Variants in TJP1 observed in about 807,000 individuals in gnomAD.
TJP1 encodes the protein tight junction protein ZO-1.
In TJP1, 43 loss-of-function variants were observed where a neutral mutation model predicts 194.2. That is an observed-to-expected ratio of 0.22 (90% confidence interval 0.17 to 0.29). The LOEUF is 0.29. Among genes scored for constraint, TJP1 ranks in the 10% least tolerant of loss-of-function variants. TJP1 has a pLI of 1.00. For missense variants in TJP1, 1,971 were observed against 2,185.7 expected (o/e 0.90, Z 1.96); for synonymous variants, 801 against 779.0 (o/e 1.03, Z -0.47).
At chr15:29,875,808 C>T (rs1331337824) in intron 2 of TJP1, among the ~76,000 whole-genome samples, 1 of 152,132 alleles carries the variant, frequency 6.6e-6, no homozygotes, top group Non-Finnish European at 1.5e-5. Context: ...TTGTGATCTG[C>T]CCGCCTCGGC....
At chr15:29,717,507 C>T (rs570478552) in intron 22 of TJP1, among the ~76,000 whole-genome samples, 7 of 128,120 alleles carry the variant, frequency 5.5e-5, no homozygotes, top group Non-Finnish European at 9.9e-5. Context: ...GTTTCTCTTC[C>T]AGCTCTAAGT....
At chr15:29,938,593 C>A (rs910641789) in intron 2 of TJP1, among the ~76,000 whole-genome samples, 3 of 152,208 alleles carry the variant, frequency 2.0e-5, no homozygotes, top group South Asian at 2.1e-4. Flanking sequence ...TACCACCCCC[C>A]AGTTATCACA....
At chr15:29,824,566 A>G (rs2050622831), upstream of TJP1, among the ~76,000 whole-genome samples, 1 of 152,086 alleles carries the variant, frequency 6.6e-6, no homozygotes, top group South Asian at 2.1e-4. Flanking sequence ...ACCCCATTAA[A>G]AAAAAAAAAT....
chr15:29,847,868 G>A (rs2051478466), intron 2 of TJP1, among the ~76,000 whole-genome samples: 1 of 152,070 alleles, frequency 6.6e-6, no homozygotes, highest in South Asian at 2.1e-4. Flanking sequence ...CACTGCTATG[G>A]CTGCATCCCA....
At chr15:29,713,245 C>G (rs2042351723) in intron 23 of TJP1, among the ~76,000 whole-genome samples, 1 of 152,228 alleles carries the variant, frequency 6.6e-6, no homozygotes, top group Non-Finnish European at 1.5e-5. Context: ...GAAGTTGACT[C>G]AATCTCTGGA....
rs785433 is a variant in TJP1 at position 29,901,693 on chromosome 15, C to T, written c.306+54539G>A. On this transcript the variant is annotated intron_variant, in intron 2 of 28. Coordinates refer to the TJP1 transcript ENST00000356107. ...AAAAATTAGCCAGCTTGGTGGCGGG[C>T]GCCTGTAATCCCAGCTACTCAGGAG... Among the ~76,000 whole-genome samples the T allele has an allele frequency of 3.6e-3, 553 of 152,018 alleles. 1 individual carries two copies. The highest frequency in any genetic ancestry group is 0.013 in the African/African-American group (521 of 41,464).
chr15:29,928,280 G>A (rs1047172233), intron 2 of TJP1, among the ~76,000 whole-genome samples: 1 of 152,130 alleles, frequency 6.6e-6, no homozygotes, highest in African/African-American at 2.4e-5. Context: ...ATGCAGAGAG[G>A]CTCAATATCA....
At position 29,718,766 on chromosome 15, in the gene TJP1, G is replaced by A; in HGVS notation, c.3376C>T (p.Arg1126Ter). Residue 1126 changes from arginine (R) to a stop codon, truncating the protein, a stop_gained, in exon 21 of 28, where the codon CGA becomes TGA. Transcript: ENST00000614355. LOFTEE classifies it high-confidence loss of function. ...SRQHPEESSE[R>*]GYFPRFEEPA... The stretch of plus-strand genomic sequence containing the variant: ...TCTTCAAAACGTGGAAAGTACCCTC[G>A]TTCTGAGGACTCTTCGGGATGCTGT... 1.9e-6 allele frequency: 3 copies of A among 1,614,146 alleles called. No individual in the cohort carries two copies. The highest frequency in any genetic ancestry group is 1.1e-5 in the South Asian group (1 of 91,076).
At position 29,762,385 on chromosome 15, in the gene TJP1, T is replaced by C; in HGVS notation, c.643A>G (p.Ser215Gly). ...HIFVKEISQD[S>G]LAARDGNIQE... Reference sequence around the variant, plus strand: ...ATATTGCCATCTCTTGCTGCCAAACTATCTTGTGAAATTTCCTTAACAAAT... The same window carrying C: ...ATATTGCCATCTCTTGCTGCCAAACCATCTTGTGAAATTTCCTTAACAAAT... The change falls in exon 6 of 28, where the codon AGT becomes GGT. Residue 215 changes from serine (S) to glycine (G), a missense_variant. Physicochemically the swap from Ser to Gly is moderately conservative, Grantham distance 56. Transcript: ENST00000614355. 1 of 1,613,804 alleles carries C rather than the reference T, an allele frequency of 6.2e-7. No individual in the cohort carries two copies. Among genetic ancestry groups the C allele is most frequent in the Non-Finnish European group, 8.5e-7 (1 of 1,179,944 alleles).
chr15:29,707,653 A>G (rs1422303930), intron 25 of TJP1, among the ~76,000 whole-genome samples: 4 of 152,170 alleles, frequency 2.6e-5, no homozygotes, highest in Non-Finnish European at 4.4e-5. Flanking sequence ...CATCTGGTCA[A>G]TCGCCGTGGA....
chr15:29,719,763 C>T lies in TJP1; in HGVS notation c.3003+14G>A, dbSNP rs770421802. 21 of 1,608,324 alleles carry T rather than the reference C, an allele frequency of 1.3e-5. No individual in the cohort carries two copies. Among genetic ancestry groups the T allele is most frequent in the Admixed American group, 8.4e-5 (5 of 59,448 alleles). On this transcript the variant is annotated intron_variant, in intron 20 of 27. Transcript: ENST00000614355. ...GGACAGCAACAAATTAGTGCAACAC[C>T]GCAGCACAGGTACCTTTGTTGGATC...
At chr15:29,709,075 A>C in intron 24 of TJP1, 39 bp from the exon 25 acceptor site, 1 of 1,560,064 alleles carries the variant, frequency 6.4e-7, no homozygotes, top group East Asian at 2.2e-5. Context: ...ACTTTCTGAA[A>C]AAAGTTATAA....
chr15:29,882,580 A>T (rs983261953), intron 2 of TJP1, among the ~76,000 whole-genome samples: 1 of 152,216 alleles, frequency 6.6e-6, no homozygotes, highest in Non-Finnish European at 1.5e-5. Flanking sequence ...TCAGTTTGTT[A>T]TGAGATTTAA....
At chr15:29,710,792 G>A (rs2042192048) in intron 24 of TJP1, 39 bp downstream of exon 24, 1 of 1,611,668 alleles carries the variant, frequency 6.2e-7, no homozygotes, top group South Asian at 1.1e-5. Flanking sequence ...TACTTCATAA[G>A]CATTACTGTG....
chr15:29,809,029 A>C (rs2049306514), intron 1 of TJP1, among the ~76,000 whole-genome samples: 1 of 152,204 alleles, frequency 6.6e-6, no homozygotes, highest in Non-Finnish European at 1.5e-5. Context: ...GGTAGTCCAA[A>C]CTGAGATATG....
chr15:29,711,127 G>A, intron 23 of TJP1, 127 bp from the exon 24 acceptor site: 1 of 1,093,880 alleles, frequency 9.1e-7, no homozygotes. Flanking sequence ...ATTCTCATGA[G>A]TATGGGTAGC....
chr15:29,728,116 T>C (rs1029202427), intron 15 of TJP1, 97 bp from the exon 16 acceptor site: 30 of 961,520 alleles, frequency 3.1e-5, no homozygotes, highest in East Asian at 4.9e-5. Flanking sequence ...CCGGACTGGA[T>C]AGTACTTTGT....
rs397975539 is a variant in TJP1, at chr15:29,864,237, C to CAAAAAAAAAAAAAAAAAAAA, written c.307-63555_307-63536dup. 6.3e-4 allele frequency among the ~76,000 whole-genome samples: 12 copies of CAAAAAAAAAAAAAAAAAAAA among 18,944 alleles called. 1 individual carries two copies. Among genetic ancestry groups the CAAAAAAAAAAAAAAAAAAAA allele is most frequent in the African/African-American group, 9.0e-4 (6 of 6,664 alleles). 12.4% of individuals were successfully genotyped at this position (18,944 alleles called of 152,430 possible). The stretch of plus-strand genomic sequence containing the variant: ...TGAAACCCCGTCTCTACTAAAAATA[C>CAAAAAAAAAAAAAAAAAAAA]AAAAAAAAAAAAAAAAAAAAAAAAA... On this transcript the variant is annotated intron_variant, in intron 2 of 28. Coordinates refer to the TJP1 transcript ENST00000356107.
intron 2 of TJP1, among the ~76,000 whole-genome samples, chr15:29,827,533 G>C (rs2050714000): frequency 6.6e-6 from 1 of 152,170 alleles, no homozygotes; most frequent in Admixed American, 6.5e-5. Flanking sequence ...TAGCCGGCTT[G>C]AGGCATCCTC....
Sources: allele counts gnomAD v4.1 joint callset (sites outside exome capture counted in the v4.1 genomes callset), GRCh38; gene constraint gnomAD v4.1.1; transcripts MANE v1.5; gene names NCBI Gene and HGNC (gene_info 2026-07-23, HGNC 2026-07-21).